Variants in NCOR2 observed in about 807,000 individuals in gnomAD.
The protein encoded by NCOR2 is nuclear receptor corepressor 2, also known as CTG repeat protein 26.
NCOR2 carries 81 observed loss-of-function variants against 262.9 expected under a neutral mutation model. The observed-to-expected ratio is 0.31, with a 90% CI of 0.26 to 0.37. The LOEUF (loss-of-function observed/expected upper bound fraction) is 0.37, where lower values mean the gene tolerates loss of function less well. Ranked by LOEUF, NCOR2 falls within the 10% of genes least tolerant of loss-of-function variation. NCOR2 has a pLI of 1.00. For synonymous variants in NCOR2, 1,659 were observed against 1,559.3 expected (o/e 1.06, Z -1.51); for missense variants, 3,385 against 3,621.4 (o/e 0.93, Z 1.68).
At chr12:124,366,373 G>C (rs1338382506) in intron 20 of NCOR2, among the ~76,000 whole-genome samples, 1 of 150,990 alleles carries the variant, frequency 6.6e-6, no homozygotes, top group African/African-American at 2.4e-5. Context: ...TCTGTGAAAA[G>C]TCCAGAACGG....
intron 10 of NCOR2, 141 bp downstream of exon 12, chr12:124,429,472 C>T (rs1464091327): frequency 1.2e-6 from 1 of 834,568 alleles, no homozygotes; most frequent in Non-Finnish European, 1.9e-6. Context: ...CCTCAATACC[C>T]ACCTTGATTC....
At chr12:124,336,894 C>A in exon 38 of NCOR2, 2 of 1,604,486 alleles carry the variant, frequency 1.2e-6, no homozygotes, top group Admixed American at 1.7e-5. Context: ...GGGGTGCGGG[C>A]GATGGTGGCG....
At chr12:124,424,474 C>A (rs1279247522) in intron 11 of NCOR2, among the ~76,000 whole-genome samples, 1 of 152,158 alleles carries the variant, frequency 6.6e-6, no homozygotes, top group Admixed American at 6.5e-5. Context: ...TGTGAAGGAC[C>A]ACTCACTCGG....
At chr12:124,529,317 T>C (rs1593994313) in intron 1 of NCOR2, among the ~76,000 whole-genome samples, 1 of 107,788 alleles carries the variant, frequency 9.3e-6, no homozygotes, top group Non-Finnish European at 1.9e-5. Flanking sequence ...AAAAAAAAAA[T>C]ACAAAAACTA....
chr12:124,400,794 C>T (rs374681797), intron 14 of NCOR2, 121 bp from the exon 17 acceptor site: 169 of 1,298,198 alleles, frequency 1.3e-4, no homozygotes, highest in Admixed American at 8.5e-4. Context: ...ACTAATCGGA[C>T]GCTAGGAAAG....
chr12:124,533,847 G>A (rs1032682509), intron 1 of NCOR2, among the ~76,000 whole-genome samples: 6 of 151,974 alleles, frequency 3.9e-5, no homozygotes, highest in African/African-American at 1.2e-4. Flanking sequence ...ATCCAAGCTC[G>A]TCCAACCCCG....
intron 13 of NCOR2, among the ~76,000 whole-genome samples, chr12:124,404,727 T>TC: frequency 6.6e-6 from 1 of 152,118 alleles, no homozygotes; most frequent in Middle Eastern, 3.4e-3. Flanking sequence ...GAGGAGAAAA[T>TC]CCCCACAGAT....
rs1210772720 is a variant in NCOR2, at chr12:124,471,984, CAT to C, written c.591+966_591+967del. 9.2e-5 allele frequency among the ~76,000 whole-genome samples: 14 copies of C among 152,244 alleles called. No individual in the cohort carries two copies. The East Asian group carries it at 9.6e-4, about 10-fold the overall frequency. ...GCAGAAAAGCAGTCATATAAACACACATGTGTATACAGATACACAAACAAGTG... is the reference window on the plus strand; with the variant it reads ...GCAGAAAAGCAGTCATATAAACACACGTGTATACAGATACACAAACAAGTG... On this transcript the variant is annotated intron_variant, in intron 4 of 46. Coordinates refer to ENST00000405201, the Ensembl canonical transcript of NCOR2.
In NCOR2 at chr12:124,454,999, C is replaced by T. The variant is rs1239486509; in HGVS notation, c.762+2107G>A. On this transcript the variant is annotated intron_variant, in intron 6 of 46. Transcript: ENST00000405201. This position sits in a 1 kb window ranked among gnomAD's most constrained non-coding sequence, Gnocchi z 5.6. Reference sequence around the variant, plus strand: ...AAGGAACGAAGGACCGACCCACGCTCGACACGGATGAACCTCGAAAACATG... The same window carrying T: ...AAGGAACGAAGGACCGACCCACGCTTGACACGGATGAACCTCGAAAACATG... 1.3e-5 allele frequency among the ~76,000 whole-genome samples: 2 copies of T among 151,598 alleles called. No individual in the cohort carries two copies. Among genetic ancestry groups the T allele is most frequent in the Non-Finnish European group, 3.0e-5 (2 of 67,602 alleles).
chr12:124,431,032 T>C (rs1039721329), intron 8 of NCOR2, among the ~76,000 whole-genome samples: 8 of 147,776 alleles, frequency 5.4e-5, no homozygotes, highest in African/African-American at 1.8e-4. Flanking sequence ...CACACACAAA[T>C]GCAGTCACAC....
intron 13 of NCOR2, among the ~76,000 whole-genome samples, chr12:124,415,021 T>C (rs959885780): frequency 4.6e-5 from 7 of 152,122 alleles, no homozygotes; most frequent in South Asian, 4.1e-4. Flanking sequence ...GGTGCCTGCA[T>C]TGCCTGGAGC....
intron 33 of NCOR2, 124 bp downstream of exon 35, chr12:124,342,881 C>T: frequency 9.9e-7 from 1 of 1,008,140 alleles, no homozygotes; most frequent in East Asian, 2.7e-5. Flanking sequence ...AATCCCGAGG[C>T]CTCAGTTTCG....
rs981080510 is a variant in NCOR2, at chr12:124,481,707, G to A, written c.411+1889C>T. Among the ~76,000 whole-genome samples the A allele has an allele frequency of 7.9e-5, 12 of 152,262 alleles. No individual in the cohort carries two copies. The highest frequency in any genetic ancestry group is 3.9e-4 in the East Asian group (2 of 5,184). On this transcript the variant is annotated intron_variant, in intron 3 of 46. Coordinates refer to ENST00000405201, the Ensembl canonical transcript of NCOR2. This position sits in a 1 kb window ranked among gnomAD's most constrained non-coding sequence, Gnocchi z 4.6. Reference sequence around the variant, plus strand: ...GGAGGTGACGGGGCTGGATCACGCCGGACCTGCAGCCCATGGCAAGGATTT... The same window carrying A: ...GGAGGTGACGGGGCTGGATCACGCCAGACCTGCAGCCCATGGCAAGGATTT...
At position 124,394,225 on chromosome 12, in the gene NCOR2, G is replaced by A. The variant is rs547467748; in HGVS notation, c.1876+3894C>T. Among the ~76,000 whole-genome samples the A allele has an allele frequency of 2.6e-4, 40 of 152,302 alleles. 1 individual carries two copies. The South Asian group carries it at 6.6e-3, about 25-fold the overall frequency. ...GGACTGTTCCTATGTGGCTCGCTCC[G>A]TCTTTAAAGTGCCCCTGGGAGGTAG... On this transcript the variant is annotated intron_variant, in intron 16 of 46. Transcript: ENST00000405201.
intron 7 of NCOR2, among the ~76,000 whole-genome samples, chr12:124,447,087 G>T (rs1280358237): frequency 6.6e-6 from 1 of 152,136 alleles, no homozygotes; most frequent in African/African-American, 2.4e-5. Flanking sequence ...GCTAATTTTT[G>T]TATTTTTAGT....
chr12:124,436,087 C>T (rs948258563), intron 8 of NCOR2, among the ~76,000 whole-genome samples: 3 of 152,186 alleles, frequency 2.0e-5, no homozygotes, highest in African/African-American at 4.8e-5. Context: ...GGACAGGGCC[C>T]GTGTCACAGC....
intron 3 of NCOR2, 84 bp from the exon 6 acceptor site, chr12:124,473,215 A>AT: frequency 6.7e-7 from 1 of 1,489,370 alleles, no homozygotes; most frequent in Non-Finnish European, 9.2e-7. Flanking sequence ...AATACTGTCA[A>AT]CCTGATTGGA....
At chr12:124,395,553 G>T (rs1450089640) in intron 16 of NCOR2, among the ~76,000 whole-genome samples, 2 of 152,236 alleles carry the variant, frequency 1.3e-5, no homozygotes, top group African/African-American at 4.8e-5. Flanking sequence ...TCATCACTGA[G>T]GACCCAACCT....
intron 13 of NCOR2, among the ~76,000 whole-genome samples, chr12:124,419,001 T>A (rs2043063945): frequency 6.6e-6 from 1 of 151,844 alleles, no homozygotes. Context: ...CCGACTCCAA[T>A]CCAGCAGCTG....
Sources: gnomAD v4.1 joint callset for allele counts (sites outside exome capture counted in the v4.1 genomes callset) on GRCh38, gnomAD v4.1.1 for gene constraint, Gnocchi (gnomAD v3.1) non-coding constraint, MANE v1.5 for transcripts, NCBI Gene and HGNC (gene_info 2026-07-23, HGNC 2026-07-21) for gene names.